BRD1: variants seen among roughly 807,000 people sequenced by gnomAD.
BRD1 encodes the protein bromodomain-containing protein 1.
A neutral mutation model predicts 107.7 loss-of-function variants in BRD1; 24 were observed. That is an observed-to-expected ratio of 0.22 (90% confidence interval 0.16 to 0.31). BRD1 has a LOEUF of 0.31. BRD1 is among the 10% of genes least tolerant of loss of function. The pLI, the probability that BRD1 is intolerant of heterozygous loss-of-function variation, is 1.00. For synonymous variants in BRD1, 744 were observed against 686.1 expected, an observed-to-expected ratio of 1.08 and a Z score of -1.32; for missense variants, 1,279 against 1,638.6, an observed-to-expected ratio of 0.78 and a Z score of 3.79.
At chr22:49,779,292 G>A (rs916357639) in intron 8 of BRD1, among the ~76,000 whole-genome samples, 1 of 152,168 alleles carries the variant, frequency 6.6e-6, no homozygotes, top group Non-Finnish European at 1.5e-5. Flanking sequence ...GAGCACGACC[G>A]ACTTTTCAAT....
chr22:49,823,994 G>T lies in BRD1; in HGVS notation c.324C>A (p.His108Gln), dbSNP rs138837185. Residue 108 changes from histidine (H) to glutamine (Q), a missense_variant, in exon 2 of 13, where the codon CAC becomes CAA. By Grantham distance (24) the His-to-Gln change is conservative (BLOSUM62 0). Transcript: ENST00000404760. The stretch of plus-strand genomic sequence containing the variant: ...GGGCACTGGCCGAGGCCGGCGTGCC[G>T]TGGGCGCTGGGGAGGGCCTCGTTTT... ...KKKNEALPSA[H>Q]GTPASASALP... 1 of 1,613,842 alleles carries T rather than the reference G, an allele frequency of 6.2e-7. No homozygotes were observed. The highest frequency in any genetic ancestry group is 1.7e-5 in the Admixed American group (1 of 60,014).
At chr22:49,827,297 CCTCCCCGGT>C (rs1451868277) in intron 1 of BRD1, among the ~76,000 whole-genome samples, 191 bp downstream of exon 1, 1 of 150,760 alleles carries the variant, frequency 6.6e-6, no homozygotes, top group Non-Finnish European at 1.5e-5. Flanking sequence ...CCCGGCCCGA[CCTCCCCGGT>C]CTCCCCGCCC....
chr22:49,823,708 G>C lies in BRD1; in HGVS notation c.610C>G (p.Gln204Glu). The stretch of plus-strand genomic sequence containing the variant: ...TCGATCAGAGACTGCTGCTCGCCCT[G>C]CTTCTGGTTCTCGCAGTGCGACTCC... ...EKESHCENQKQGEQQSLIDED... is the reference protein window; with the variant it reads ...EKESHCENQKEGEQQSLIDED... The change falls in exon 2 of 13, where the codon CAG becomes GAG. Residue 204 changes from glutamine to glutamate, a missense_variant. Gln to Glu is a conservative substitution (Grantham distance 29, BLOSUM62 2). Coordinates refer to ENST00000404760, the MANE Select transcript of BRD1 (RefSeq NM_001304808.3). The C allele has an allele frequency of 6.2e-7, 1 of 1,613,898 alleles. No homozygotes were observed. Among genetic ancestry groups the C allele is most frequent in the Non-Finnish European group, 8.5e-7 (1 of 1,179,952 alleles).
In BRD1 at chr22:49,774,135, C is replaced by G; in HGVS notation, c.*98G>C. The G allele has an allele frequency of 1.4e-6, 2 of 1,403,500 alleles. No individual in the cohort carries two copies. Among genetic ancestry groups the G allele is most frequent in the Non-Finnish European group, 9.5e-7 (1 of 1,053,678 alleles). The allele number at this position is 1,403,500 out of a possible 1,614,324, so 86.9% of individuals were successfully genotyped here. ...TCCCCGGGGAAAAAGAATTAAAGAG[C>G]TATAACTAAAAATCAGAATAAGTTA... On this transcript the variant is annotated 3_prime_UTR_variant, in exon 13 of 13. Coordinates refer to ENST00000404760, the MANE Select transcript of BRD1 (RefSeq NM_001304808.3).
intron 1 of BRD1, chr22:49,826,221 C>G: frequency 1.0e-6 from 1 of 985,458 alleles, no homozygotes; most frequent in South Asian, 4.7e-5. Context: ...ACAAGCAGCC[C>G]CTGGAAACCC....
rs1434735106 is a variant in BRD1 at position 49,824,405 on chromosome 22, T to C, written c.-14-74A>G. 2 of 1,555,702 alleles carry C rather than the reference T, an allele frequency of 1.3e-6. No individual in the cohort carries two copies. Among genetic ancestry groups the C allele is most frequent in the African/African-American group, 2.7e-5 (2 of 73,372 alleles). Reference sequence around the variant, plus strand: ...ACTCGAGAAAACCACAAAAGCATGCTTGGACAGATCTAGCTCAGCAGCTCA... The same window carrying C: ...ACTCGAGAAAACCACAAAAGCATGCCTGGACAGATCTAGCTCAGCAGCTCA... On this transcript the variant is annotated intron_variant, in intron 1 of 12. Coordinates refer to ENST00000404760, the MANE Select transcript of BRD1 (RefSeq NM_001304808.3). The surrounding 1 kb of genome is among the most constrained non-coding windows in gnomAD (Gnocchi z 5.9).
chr22:49,808,465 G>A (rs540901342), intron 2 of BRD1, among the ~76,000 whole-genome samples: 13 of 152,230 alleles, frequency 8.5e-5, no homozygotes, highest in Non-Finnish European at 1.8e-4. Context: ...AGGGACTGAA[G>A]AGGAGTCAAA....
rs1339862928 is a variant in BRD1 at position 49,827,425 on chromosome 22, A to AGGC, written c.-15+69_-15+71dup. ...ACCACAACCCCGAGAGGCCGGGCCG[A>AGGC]GGCGGCGGCGGCGGCCGGGCGGCCC... On this transcript the variant is annotated intron_variant, in intron 1 of 12. Coordinates refer to ENST00000404760, the MANE Select transcript of BRD1 (RefSeq NM_001304808.3). 8.3e-3 allele frequency: 1,182 copies of AGGC among 142,142 alleles called. 7 individuals are homozygous for AGGC. The highest frequency in any genetic ancestry group is 0.015 in the Admixed American group (219 of 14,600). 8.8% of individuals were successfully genotyped at this position (142,142 alleles called of 1,614,324 possible). A position where few individuals can be genotyped will look rare whatever the true frequency, so the allele number is the denominator to read the frequency against.
chr22:49,796,457 A>C (rs1295860410), intron 6 of BRD1, among the ~76,000 whole-genome samples: 1 of 149,766 alleles, frequency 6.7e-6, no homozygotes, highest in African/African-American at 2.5e-5. Context: ...CCCAGGTTCA[A>C]GCGATTCTCC....
chr22:49,805,237 C>T (rs7284231), intron 2 of BRD1, among the ~76,000 whole-genome samples: 1 of 152,204 alleles, frequency 6.6e-6, no homozygotes, highest in African/African-American at 2.4e-5. Context: ...ACCCTCGGCG[C>T]CTCTCATCCA....
chr22:49,774,547 G>C (rs1374144527), intron 12 of BRD1, 131 bp from the exon 13 acceptor site: 4 of 1,045,226 alleles, frequency 3.8e-6, no homozygotes, highest in Middle Eastern at 2.2e-4. Context: ...CAAGACAGCT[G>C]GGCCCCGTGC....
At chr22:49,785,150 G>C (rs1433710362) in intron 8 of BRD1, among the ~76,000 whole-genome samples, 1 of 152,246 alleles carries the variant, frequency 6.6e-6, no homozygotes, top group African/African-American at 2.4e-5. Context: ...TTCTACAAGG[G>C]ACATCTGATG....
intron 6 of BRD1, among the ~76,000 whole-genome samples, chr22:49,796,573 GT>G (rs1382166802): frequency 6.6e-6 from 1 of 151,150 alleles, no homozygotes. Flanking sequence ...GGCCAGGCCG[GT>G]CTCAATCTCC....
chr22:49,816,170 G>A (rs2059947439), intron 2 of BRD1, among the ~76,000 whole-genome samples: 1 of 152,150 alleles, frequency 6.6e-6, no homozygotes, highest in South Asian at 2.1e-4. Flanking sequence ...GAAACATGGA[G>A]GAAAAAAAGA....
At chr22:49,777,241 C>T (rs1009987252) in intron 9 of BRD1, 80 bp from the exon 10 acceptor site, 32 of 1,577,582 alleles carry the variant, frequency 2.0e-5, no homozygotes, top group South Asian at 2.3e-5. Context: ...GTGAGCTGTC[C>T]GCCACCAAGC....
chr22:49,784,926 C>G (rs2059293314), intron 8 of BRD1, among the ~76,000 whole-genome samples: 1 of 152,204 alleles, frequency 6.6e-6, no homozygotes, highest in African/African-American at 2.4e-5. Context: ...AGGAACTCAC[C>G]GCACCTCCAC....
In BRD1 at chr22:49,804,382, T is replaced by C. The variant is rs1477780927; in HGVS notation, c.1368-22A>G. The C allele has an allele frequency of 1.9e-6, 3 of 1,586,360 alleles. No individual in the cohort carries two copies. The South Asian group carries it at 3.5e-5, about 18-fold the overall frequency. ...TAACCTAAAACACAAACACTCAGTG[T>C]ATCTTTGAAGCAGTACATTAAGATG... On this transcript the variant is annotated intron_variant, in intron 2 of 12. Transcript: ENST00000404760.
At chr22:49,778,862 C>T (rs2059151490) in intron 8 of BRD1, among the ~76,000 whole-genome samples, 1 of 152,064 alleles carries the variant, frequency 6.6e-6, no homozygotes, top group African/African-American at 2.4e-5. Flanking sequence ...GGAGTTTCAC[C>T]GTGTTAGCCA....
chr22:49,814,914 TGAGAAC>T (rs1342159033), intron 2 of BRD1, among the ~76,000 whole-genome samples: 1 of 152,238 alleles, frequency 6.6e-6, no homozygotes, highest in African/African-American at 2.4e-5. Context: ...TCCCCTCTGC[TGAGAAC>T]ATCTTCTACA....
Sources: allele counts gnomAD v4.1 joint callset (sites outside exome capture counted in the v4.1 genomes callset), GRCh38; gene constraint gnomAD v4.1.1; non-coding constraint Gnocchi (gnomAD v3.1); transcripts MANE v1.5; gene names NCBI Gene and HGNC (gene_info 2026-07-23, HGNC 2026-07-21).